C5orf22: variants seen among roughly 807,000 people sequenced by gnomAD.
The protein encoded by C5orf22 is UPF0489 protein C5orf22.
C5orf22 carries 36 observed loss-of-function variants against 48.7 expected under a neutral mutation model. The ratio of observed to expected loss-of-function variants is 0.74; its 90% CI spans 0.57 to 0.98. C5orf22 has a LOEUF of 0.98. C5orf22 is among the 50% of genes least tolerant of loss of function. The probability of loss-of-function intolerance (pLI) is 0.00; values close to 1 mark genes in which losing one functional copy is unlikely to be tolerated. For synonymous variants in C5orf22, 141 were observed against 180.8 expected (o/e 0.78, Z 1.76); for missense variants, 486 against 521.9 (o/e 0.93, Z 0.67).
At chr5:31,534,550 A>G (rs1741961002) in intron 2 of C5orf22, 133 bp downstream of exon 2, 2 of 811,640 alleles carry the variant, frequency 2.5e-6, no homozygotes, top group Middle Eastern at 6.8e-4. Context: ...TGTCTTTTTC[A>G]TTTTATTTAG....
chr5:31,540,280 T>G (rs1039246861), intron 4 of C5orf22, among the ~76,000 whole-genome samples: 1 of 152,210 alleles, frequency 6.6e-6, no homozygotes. Flanking sequence ...GTATAACCTT[T>G]TCCTGAGAAT....
intron 7 of C5orf22, among the ~76,000 whole-genome samples, chr5:31,547,623 ACAC>A: frequency 1.3e-5 from 2 of 152,348 alleles, no homozygotes; most frequent in South Asian, 4.1e-4. Flanking sequence ...GGCTTGATCA[ACAC>A]CACAAGGAAG....
rs2150083480 is a variant in C5orf22, at chr5:31,553,476, T to C, written c.*574T>C. 6.6e-6 allele frequency: 1 copy of C among 151,890 alleles called. No homozygotes were observed. The highest frequency in any genetic ancestry group is 1.9e-4 in the East Asian group (1 of 5,180). 9.4% of individuals were successfully genotyped at this position (151,890 alleles called of 1,614,324 possible). A position where few individuals can be genotyped will look rare whatever the true frequency, so the allele number is the denominator to read the frequency against. Reference sequence around the variant, plus strand: ...TCTCTATCTTTTTTTTTTTTTTTAATTTTATAAAAATAGAGATGGGGTCTC... The same window carrying C: ...TCTCTATCTTTTTTTTTTTTTTTAACTTTATAAAAATAGAGATGGGGTCTC... On this transcript the variant is annotated 3_prime_UTR_variant, in exon 9 of 9. Transcript: ENST00000325366.
rs1269977494 is a variant in C5orf22 at position 31,541,406 on chromosome 5, A to G, written c.992+4A>G. ...AGAGATGGGCTTCAAACCCTGGGTA[A>G]GACTCTCAAACATTTTTTTCCCCCA... On this transcript the variant is annotated splice_donor_region_variant and intron_variant, in intron 6 of 8. Coordinates refer to ENST00000325366, the MANE Select transcript of C5orf22 (RefSeq NM_018356.3). 3.7e-6 allele frequency: 6 copies of G among 1,611,868 alleles called. No homozygotes were observed. The highest frequency in any genetic ancestry group is 5.1e-6 in the Non-Finnish European group (6 of 1,179,066).
In C5orf22 at chr5:31,538,260, G is replaced by T; in HGVS notation, c.378G>T (p.Arg126Ser). The part of the protein sequence containing the change: ...VGKDTSTTTI[R>S]VTSTDHYFLS... ...AAAATCGTTTTTTCCTCTGATTCAG[G>T]GTTACAAGTACAGATCATTATTTCC... The change falls in exon 4 of 9, where the codon AGG (arginine) becomes AGT (serine). Residue 126 changes from arginine to serine, a missense_variant and splice_region_variant. Arg to Ser is a moderately radical substitution (Grantham distance 110, BLOSUM62 -1). Coordinates refer to ENST00000325366, the MANE Select transcript of C5orf22 (RefSeq NM_018356.3). 2 of 1,568,766 alleles carry T rather than the reference G, an allele frequency of 1.3e-6. No homozygotes were observed. The highest frequency in any genetic ancestry group is 1.2e-5 in the South Asian group (1 of 85,314).
intron 7 of C5orf22, among the ~76,000 whole-genome samples, chr5:31,546,448 T>G (rs16901264): frequency 0.026 from 4,015 of 152,306 alleles, 71 homozygotes; most frequent in Middle Eastern, 0.051. Flanking sequence ...ACCACTGTGT[T>G]TGACTAAAGT....
chr5:31,541,335 G>A lies in C5orf22; in HGVS notation c.925G>A (p.Ala309Thr). The A allele has an allele frequency of 6.2e-7, 1 of 1,613,608 alleles. No individual in the cohort carries two copies. The highest frequency in any genetic ancestry group is 8.5e-7 in the Non-Finnish European group (1 of 1,179,598). ...AATTCATCAATTAGAGGATTTAGAA[G>A]CCACTTTCGCTGATTTGTGTGATGG... ...TRIHQLEDLE[A>T]TFADLCDGDD... Residue 309 changes from alanine (A) to threonine (T), a missense_variant, in exon 6 of 9, where the codon GCC becomes ACC. Around this residue, in one of 3 missense-constraint regions of C5orf22, gnomAD observed 408 missense variants for 444.0 expected, o/e 0.92. Transcript: ENST00000325366.
chr5:31,535,669 A>G, intron 2 of C5orf22, 75 bp from the exon 3 acceptor site: 4 of 1,221,066 alleles, frequency 3.3e-6, no homozygotes, highest in Non-Finnish European at 4.5e-6. Flanking sequence ...TGGTCTTAAA[A>G]TGTTGTGGAT....
rs560856003 is a variant in C5orf22 at position 31,538,382 on chromosome 5, A to G, written c.500A>G (p.Asn167Ser). The G allele has an allele frequency of 6.2e-6, 10 of 1,614,210 alleles. No homozygotes were observed. Among genetic ancestry groups the G allele is most frequent in the Middle Eastern group, 1.6e-4 (1 of 6,062 alleles). Residue 167 changes from asparagine to serine, a missense_variant, in exon 4 of 9, where the codon AAT (asparagine) becomes AGT (serine). Asn to Ser is a conservative substitution (Grantham distance 46). This residue lies in a region of C5orf22 where 408 missense variants were observed against 444.0 expected (regional missense o/e 0.92). Coordinates refer to ENST00000325366, the MANE Select transcript of C5orf22 (RefSeq NM_018356.3). Reference protein sequence around the residue: ...IMVKPYKLCNNQEENDAVSSA... With the variant: ...IMVKPYKLCNSQEENDAVSSA... ...GTAAAACCTTATAAACTCTGTAACA[A>G]TCAAGAAGAAAACGATGCAGTGTCT...
intron 8 of C5orf22, 106 bp from the exon 9 acceptor site, chr5:31,552,667 A>G (rs1237749149): frequency 3.1e-6 from 3 of 970,330 alleles, no homozygotes; most frequent in African/African-American, 1.6e-5. Context: ...AAAGTTCAGC[A>G]CACCTTAATT....
At chr5:31,544,358 C>T (rs1013737686) in intron 6 of C5orf22, among the ~76,000 whole-genome samples, 30 of 152,160 alleles carry the variant, frequency 2.0e-4, no homozygotes, top group South Asian at 2.1e-4. Flanking sequence ...CCAAGGCGGG[C>T]GGATCATGAG....
intron 3 of C5orf22, among the ~76,000 whole-genome samples, chr5:31,536,689 A>T (rs1742118267): frequency 1.3e-5 from 2 of 152,240 alleles, no homozygotes. Context: ...AATCTAAAGT[A>T]AATTACAGTA....
At chr5:31,539,807 C>T (rs2150073996) in intron 4 of C5orf22, among the ~76,000 whole-genome samples, 1 of 151,924 alleles carries the variant, frequency 6.6e-6, no homozygotes, top group South Asian at 2.1e-4. Context: ...CTTTGGGAGG[C>T]CAAAGCAGGA....
chr5:31,532,358 C>T lies in C5orf22; in HGVS notation c.-35C>T, dbSNP rs201028786. On this transcript the variant is annotated 5_prime_UTR_variant, in exon 1 of 9. Transcript: ENST00000325366. ...GCTTTCCCGGGTCTTCTCCAGCTGC[C>T]ACCGCTTTACTGCAAAACTGACGGG... 4.0e-5 allele frequency: 64 copies of T among 1,610,574 alleles called. No individual in the cohort carries two copies. The highest frequency in any genetic ancestry group is 3.7e-4 in the Admixed American group (22 of 60,010).
chr5:31,552,956 A>G lies in C5orf22; in HGVS notation c.*54A>G, dbSNP rs1275292915. The G allele has an allele frequency of 1.0e-5, 16 of 1,546,866 alleles. No individual in the cohort carries two copies. The highest frequency in any genetic ancestry group is 1.4e-5 in the Non-Finnish European group (16 of 1,128,660). ...ATCTTGGTTTAGTAACAGGCCCTTA[A>G]TTAACTTATTTGTACATGAGTCTTC... On this transcript the variant is annotated 3_prime_UTR_variant, in exon 9 of 9. Transcript: ENST00000325366.
chr5:31,549,489 C>T (rs1204208958), intron 7 of C5orf22, among the ~76,000 whole-genome samples: 1 of 151,722 alleles, frequency 6.6e-6, no homozygotes, highest in African/African-American at 2.4e-5. Context: ...CCCCTGGGAG[C>T]ATATATTCAA....
In C5orf22 at chr5:31,554,524, A is replaced by C. The variant is rs955564869; in HGVS notation, c.*1622A>C. 2.6e-5 allele frequency: 4 copies of C among 152,224 alleles called. No homozygotes were observed. The highest frequency in any genetic ancestry group is 9.6e-5 in the African/African-American group (4 of 41,468). The allele number at this position is 152,224 out of a possible 1,614,324, so 9.4% of individuals were successfully genotyped here. ...TTTCATAGGATAATATGTGCCAAAA[A>C]AGGTTTATTTTCTTGGTAAAATCAG... On this transcript the variant is annotated 3_prime_UTR_variant, in exon 9 of 9. Transcript: ENST00000325366.
rs763532390 is a variant in C5orf22, at chr5:31,551,416, C to T, written c.1183C>T (p.Leu395Phe). The T allele has an allele frequency of 2.5e-6, 4 of 1,611,190 alleles. No individual in the cohort carries two copies. The highest frequency in any genetic ancestry group is 2.2e-5 in the East Asian group (1 of 44,824). The change falls in exon 8 of 9, where the codon CTT (leucine) becomes TTT (phenylalanine). Residue 395 changes from leucine (L) to phenylalanine (F), a missense_variant. By Grantham distance (22) the Leu-to-Phe change is conservative. This residue lies in a region of C5orf22 where 408 missense variants were observed against 444.0 expected (regional missense o/e 0.92). Coordinates refer to ENST00000325366, the MANE Select transcript of C5orf22 (RefSeq NM_018356.3). The part of the protein sequence containing the change: ...YLLKNLPNPT[L>F]VTIARSSLDD... ...GCTGAAAAATTTACCAAATCCTACT[C>T]TTGTGACAATTGCAAGGTAAGTGTG...
At chr5:31,540,429 C>T (rs1016991179) in intron 4 of C5orf22, among the ~76,000 whole-genome samples, 1 of 152,172 alleles carries the variant, frequency 6.6e-6, no homozygotes, top group South Asian at 2.1e-4. Flanking sequence ...GCCTCCTGAC[C>T]GAGGTTCTAT....
Sources: gnomAD v4.1 joint callset for allele counts (sites outside exome capture counted in the v4.1 genomes callset) on GRCh38, gnomAD v4.1.1 for gene constraint, gnomAD v4.1.1 regional missense constraint, MANE v1.5 for transcripts, NCBI Gene and HGNC (gene_info 2026-07-23, HGNC 2026-07-21) for gene names.